PP2D1: variants seen among roughly 807,000 people sequenced by gnomAD.
PP2D1 encodes protein phosphatase 2C like domain containing 1.
Under a neutral mutation model 30.2 loss-of-function variants are expected in PP2D1, and 25 were observed. The ratio of observed to expected loss-of-function variants is 0.83; its 90% CI spans 0.60 to 1.16. PP2D1 has a LOEUF of 1.16. Ranked by LOEUF, PP2D1 falls within the 50% of genes most tolerant of loss-of-function variation. The pLI is 0.00. For synonymous variants in PP2D1, 260 were observed against 258.9 expected (o/e 1.00, Z -0.04); for missense variants, 760 against 742.4 (o/e 1.02, Z -0.28).
At chr3:19,980,597 C>G (rs1447408963), downstream of PP2D1, among the ~76,000 whole-genome samples, 4 of 152,062 alleles carry the variant, frequency 2.6e-5, no homozygotes, top group Non-Finnish European at 5.9e-5. Flanking sequence ...TCTCACTCAC[C>G]TCTGATTTAA....
intron 1 of PP2D1, among the ~76,000 whole-genome samples, chr3:20,007,543 C>T (rs564911798): frequency 2.0e-5 from 3 of 152,082 alleles, no homozygotes; most frequent in South Asian, 2.1e-4. Context: ...CCGAGGCTGT[C>T]GGATCACCTG....
At chr3:19,984,053 C>G, downstream of PP2D1, 1 of 471,296 alleles carries the variant, frequency 2.1e-6, no homozygotes. Flanking sequence ...TATGTGGACA[C>G]TTGTTTCATT....
intron 1 of PP2D1, among the ~76,000 whole-genome samples, chr3:20,003,470 C>A (rs1038980649): frequency 3.3e-5 from 5 of 151,866 alleles, no homozygotes; most frequent in African/African-American, 1.2e-4. Flanking sequence ...TAGCTGGGCG[C>A]GATGGCTCAC....
At chr3:20,002,145 A>G in intron 1 of PP2D1, 49 bp from the exon 2 acceptor site, 1 of 1,238,214 alleles carries the variant, frequency 8.1e-7, no homozygotes, top group Middle Eastern at 1.9e-4. Flanking sequence ...TGCAGCGAAA[A>G]TCTCTTCAAG....
At chr3:20,010,924 G>A (rs1697377571) in intron 1 of PP2D1, among the ~76,000 whole-genome samples, 1 of 152,158 alleles carries the variant, frequency 6.6e-6, no homozygotes, top group Admixed American at 6.5e-5. Context: ...GAAGCTATGA[G>A]GGAAAAAGTT....
intron 1 of PP2D1, among the ~76,000 whole-genome samples, chr3:20,010,421 G>T (rs1166002017): frequency 6.6e-6 from 1 of 151,992 alleles, no homozygotes; most frequent in Non-Finnish European, 1.5e-5. Flanking sequence ...CACAATTTTT[G>T]CTGGAGTATT....
rs374616884 is a variant in PP2D1 at position 20,002,658 on chromosome 3, G to A, written c.24-562C>T. Reference sequence around the variant, plus strand: ...TAGAAGGCCAGGCACGGTGGCTCACGCCTGTAATCCCAACACTTTGGGAGG... The same window carrying A: ...TAGAAGGCCAGGCACGGTGGCTCACACCTGTAATCCCAACACTTTGGGAGG... On this transcript the variant is annotated intron_variant, in intron 1 of 2. Coordinates refer to ENST00000389050, the MANE Select transcript of PP2D1 (RefSeq NM_001252657.2). Among the ~76,000 whole-genome samples the A allele has an allele frequency of 6.6e-5, 10 of 152,138 alleles. No homozygotes were observed. In the East Asian group the frequency reaches 1.2e-3, roughly 18 times the overall value.
At chr3:20,003,351 C>T (rs1286617242) in intron 1 of PP2D1, among the ~76,000 whole-genome samples, 1 of 150,976 alleles carries the variant, frequency 6.6e-6, no homozygotes, top group East Asian at 1.9e-4. Flanking sequence ...ACAATCCCAA[C>T]TCTGTGTAGG....
Position 20,001,689 on chromosome 3 carries a change from G to A in PP2D1, c.431C>T (p.Pro144Leu). 1 of 1,534,688 alleles carries A rather than the reference G, an allele frequency of 6.5e-7. No homozygotes were observed. Among genetic ancestry groups the A allele is most frequent in the Non-Finnish European group, 8.7e-7 (1 of 1,146,322 alleles). ...AFELLWKKQI[P>L]AYYKIFDNID... ...GTTATCAAAAATCTTATAGTATGCT[G>A]GTATTTGTTTTTTCCAAAGCAGCTC... is the stretch of plus-strand genomic sequence containing the variant. Residue 144 changes from proline to leucine, a missense_variant, in exon 2 of 3, where the codon CCA becomes CTA. Around this residue, in one of 3 missense-constraint regions of PP2D1, gnomAD observed 374 missense variants for 388.8 expected, o/e 0.96. Coordinates refer to ENST00000389050, the MANE Select transcript of PP2D1 (RefSeq NM_001252657.2).
At chr3:20,009,472 A>G (rs1482511843) in intron 1 of PP2D1, among the ~76,000 whole-genome samples, 3 of 152,142 alleles carry the variant, frequency 2.0e-5, no homozygotes, top group African/African-American at 4.8e-5. Flanking sequence ...AAAAAATACA[A>G]AAAGTATATT....
chr3:20,011,466 A>G (rs929526855), intron 1 of PP2D1, among the ~76,000 whole-genome samples: 2 of 152,108 alleles, frequency 1.3e-5, no homozygotes, highest in African/African-American at 4.8e-5. Context: ...CCATTCTTAG[A>G]ATGTATTGCA....
intron 1 of PP2D1, among the ~76,000 whole-genome samples, chr3:20,010,476 C>T (rs1197265982): frequency 6.6e-6 from 1 of 152,156 alleles, no homozygotes; most frequent in Non-Finnish European, 1.5e-5. Context: ...ATAAATACTT[C>T]AGTCTCAACA....
chr3:19,996,013 C>T (rs755319389), intron 2 of PP2D1, among the ~76,000 whole-genome samples: 10 of 151,828 alleles, frequency 6.6e-5, no homozygotes, highest in Admixed American at 3.3e-4. Flanking sequence ...AAATAAACAA[C>T]GTAACAATGC....
At chr3:20,006,122 T>G (rs1197634794) in intron 1 of PP2D1, among the ~76,000 whole-genome samples, 1 of 151,506 alleles carries the variant, frequency 6.6e-6, no homozygotes, top group Non-Finnish European at 1.5e-5. Flanking sequence ...ATGGCACACC[T>G]GTAATCTCAG....
At chr3:19,993,889 C>T (rs1254016353) in intron 2 of PP2D1, among the ~76,000 whole-genome samples, 1 of 151,968 alleles carries the variant, frequency 6.6e-6, no homozygotes, top group Admixed American at 6.6e-5. Context: ...CAGGTGCCCA[C>T]CCCCGGCTAA....
intron 1 of PP2D1, among the ~76,000 whole-genome samples, chr3:20,002,315 G>GT (rs1280046036): frequency 6.6e-6 from 1 of 152,146 alleles, no homozygotes; most frequent in African/African-American, 2.4e-5. Context: ...ATTCCAAAAA[G>GT]TCAGCTAGAC....
downstream of PP2D1, among the ~76,000 whole-genome samples, chr3:19,982,410 GC>G (rs1215187837): frequency 1.3e-5 from 2 of 152,160 alleles, no homozygotes; most frequent in African/African-American, 2.4e-5. Flanking sequence ...TTTGACACAT[GC>G]AGGCATCTAA....
chr3:19,995,797 G>T (rs1216163728), intron 2 of PP2D1, among the ~76,000 whole-genome samples: 1 of 152,112 alleles, frequency 6.6e-6, no homozygotes, highest in Non-Finnish European at 1.5e-5. Flanking sequence ...AATAGAACTA[G>T]TAATCAATAG....
chr3:19,992,201 T>C (rs1697127103), intron 2 of PP2D1, among the ~76,000 whole-genome samples: 1 of 152,198 alleles, frequency 6.6e-6, no homozygotes, highest in African/African-American at 2.4e-5. Flanking sequence ...AGATGTGTGA[T>C]CATGAAATTC....
Sources: gnomAD v4.1 joint callset for allele counts (sites outside exome capture counted in the v4.1 genomes callset) on GRCh38, gnomAD v4.1.1 for gene constraint, gnomAD v4.1.1 regional missense constraint, MANE v1.5 for transcripts, NCBI Gene and HGNC (gene_info 2026-07-23, HGNC 2026-07-21) for gene names.